ADGRG1: variants seen among roughly 807,000 people sequenced by gnomAD.
The protein encoded by ADGRG1 is adhesion G protein-coupled receptor G1, also known as 7-transmembrane protein with no EGF-like N-terminal domains-1.
ADGRG1 carries 53 observed loss-of-function variants against 73.5 expected under a neutral mutation model. The ratio of observed to expected loss-of-function variants is 0.72; its 90% CI spans 0.58 to 0.91. The LOEUF (loss-of-function observed/expected upper bound fraction) is 0.91, where lower values mean the gene tolerates loss of function less well. ADGRG1 is among the 40% of genes least tolerant of loss of function. The pLI is 0.00. For synonymous variants in ADGRG1, 394 were observed against 374.4 expected (o/e 1.05, Z -0.60); for missense variants, 795 against 871.8 (o/e 0.91, Z 1.11).
chr16:57,648,616 T>G (rs2148114351), intron 1 of ADGRG1: 2 of 984,838 alleles, frequency 2.0e-6, no homozygotes, highest in Non-Finnish European at 2.4e-6. Flanking sequence ...CTCTCAATGA[T>G]TTGGTTCAAA....
intron 1 of ADGRG1, chr16:57,630,914 C>A: frequency 1.0e-6 from 1 of 978,214 alleles, no homozygotes; most frequent in Middle Eastern, 5.3e-4. Context: ...GGACCCCTGG[C>A]ATGGGTCATT....
chr16:57,636,219 G>A (rs1294402715), intron 1 of ADGRG1: 14 of 985,204 alleles, frequency 1.4e-5, no homozygotes, highest in Non-Finnish European at 1.7e-5. Flanking sequence ...GGGTCTTGGG[G>A]GTGGTAATTT....
intron 1 of ADGRG1, chr16:57,630,153 C>G (rs1032717422): frequency 8.3e-5 from 39 of 469,274 alleles, no homozygotes; most frequent in Non-Finnish European, 1.0e-4. Flanking sequence ...TCGTGAGTGG[C>G]CCAGACCCAG....
chr16:57,631,120 G>T, intron 1 of ADGRG1: 1 of 985,462 alleles, frequency 1.0e-6, no homozygotes, highest in Non-Finnish European at 1.2e-6. Context: ...CTGGGTTAAG[G>T]CTCAAGCTTG....
chr16:57,653,174 C>T (rs774839843), intron 3 of ADGRG1, 29 bp from the exon 4 acceptor site: 27 of 1,602,996 alleles, frequency 1.7e-5, no homozygotes, highest in African/African-American at 4.0e-5. Flanking sequence ...TCGGCAGCCT[C>T]GGCGGGGGCC....
At chr16:57,660,384 C>T (rs1208460860) in intron 11 of ADGRG1, 8 of 984,862 alleles carry the variant, frequency 8.1e-6, no homozygotes, top group African/African-American at 3.5e-5. Context: ...TAATCTCCAC[C>T]GAACGGGCGA....
chr16:57,639,593 C>G, intron 1 of ADGRG1: 4 of 985,456 alleles, frequency 4.1e-6, no homozygotes, highest in Non-Finnish European at 4.8e-6. Flanking sequence ...AGGCTACTGC[C>G]TGCAAACAAG....
At chr16:57,632,421 T>G in intron 1 of ADGRG1, 1 of 688,050 alleles carries the variant, frequency 1.5e-6, no homozygotes, top group South Asian at 6.6e-5. Flanking sequence ...CAGAGGCTAT[T>G]ATGAGCATGA....
chr16:57,647,586 GGTGA>G (rs540484984), intron 1 of ADGRG1: 20 of 401,812 alleles, frequency 5.0e-5, no homozygotes, highest in African/African-American at 4.3e-4. Flanking sequence ...GCCCAGAGAA[GGTGA>G]GTAACTAGCC....
rs187575616 is a variant in ADGRG1 at position 57,631,783 on chromosome 16, G to A, written c.-36+2981G>A. 2.1e-5 allele frequency: 21 copies of A among 985,618 alleles called. No homozygotes were observed. In the South Asian group the frequency reaches 2.3e-4, roughly 11 times the overall value. The allele number at this position is 985,618 out of a possible 1,614,324, so 61.1% of individuals were successfully genotyped here. On this transcript the variant is annotated intron_variant, in intron 1 of 13. Coordinates refer to ENST00000562631, the MANE Select transcript of ADGRG1 (RefSeq NM_201525.4). ...TCCCAGGCCTCCTTTCTCCTGAGCC[G>A]TCACTTGGCTGAGACCCTGCCCCTC...
intron 1 of ADGRG1, chr16:57,636,844 C>A: frequency 4.2e-6 from 1 of 239,800 alleles, no homozygotes; most frequent in Non-Finnish European, 6.7e-6. Flanking sequence ...AACAGGTAAG[C>A]AAATGGCAGA....
intron 2 of ADGRG1, 59 bp from the exon 3 acceptor site, chr16:57,651,140 CT>C: frequency 6.2e-7 from 1 of 1,610,306 alleles, no homozygotes; most frequent in Non-Finnish European, 8.5e-7. Flanking sequence ...GTCCTGTCCC[CT>C]TCCATGCCTC....
chr16:57,657,526 C>A (rs771328392), intron 10 of ADGRG1, 35 bp downstream of exon 10: 2 of 1,468,186 alleles, frequency 1.4e-6, no homozygotes, highest in Non-Finnish European at 1.9e-6. Flanking sequence ...GGGGAGGGGA[C>A]CCTCCATTGC....
intron 11 of ADGRG1, chr16:57,660,536 C>A: frequency 1.4e-6 from 1 of 738,810 alleles, no homozygotes; most frequent in Non-Finnish European, 1.7e-6. Context: ...CCCAGGGTGA[C>A]GAAGGGCAGG....
intron 9 of ADGRG1, 47 bp from the exon 10 acceptor site, chr16:57,657,323 GGTT>G (rs1457000501): frequency 6.2e-7 from 1 of 1,612,926 alleles, no homozygotes; most frequent in Non-Finnish European, 8.5e-7. Flanking sequence ...CAAGCCTCCA[GGTT>G]GTGTGGGGGA....
upstream of ADGRG1, chr16:57,628,072 G>A: frequency 3.0e-6 from 3 of 985,370 alleles, no homozygotes; most frequent in Non-Finnish European, 2.4e-6. Flanking sequence ...CACCCCCCGG[G>A]GGGACGCAGG....
chr16:57,628,579 G>C, upstream of ADGRG1: 1 of 985,548 alleles, frequency 1.0e-6, no homozygotes, highest in Non-Finnish European at 1.2e-6. Flanking sequence ...AGCCCAGCTG[G>C]GGCAGGAGAG....
Position 57,659,532 on chromosome 16 carries a change from G to A in ADGRG1, c.1406G>A (p.Cys469Tyr). 6.2e-7 allele frequency: 1 copy of A among 1,613,916 alleles called. No individual in the cohort carries two copies. The highest frequency in any genetic ancestry group is 1.3e-5 in the African/African-American group (1 of 75,044). Residue 469 changes from cysteine (C) to tyrosine (Y), a missense_variant, in exon 11 of 14, where the codon TGC becomes TAC. Physicochemically the swap from Cys to Tyr is radical, Grantham distance 194. Coordinates refer to ENST00000562631, the MANE Select transcript of ADGRG1 (RefSeq NM_201525.4). ...GCCCTGACAGGCTCTGAGGCTGGCTGCCGAGCCAGTGCCATCTTCCTGCAC... is the reference window on the plus strand; with the variant it reads ...GCCCTGACAGGCTCTGAGGCTGGCTACCGAGCCAGTGCCATCTTCCTGCAC... ...PVALTGSEAGCRASAIFLHFS... is the reference protein window; with the variant it reads ...PVALTGSEAGYRASAIFLHFS...
intron 10 of ADGRG1, 90 bp from the exon 11 acceptor site, chr16:57,659,323 G>A: frequency 1.2e-6 from 2 of 1,600,962 alleles, no homozygotes; most frequent in Non-Finnish European, 8.5e-7. Flanking sequence ...GGGGTGGGGG[G>A]CAGTCTGGGA....
Sources: allele counts gnomAD v4.1 joint callset, GRCh38; gene constraint gnomAD v4.1.1; transcripts MANE v1.5; gene names NCBI Gene and HGNC (gene_info 2026-07-23, HGNC 2026-07-21).